Variants in AFF2 observed in about 807,000 individuals in gnomAD.
AFF2 encodes the protein ALF transcription elongation factor 2.
In AFF2, 14 loss-of-function variants were observed where a neutral mutation model predicts 76.9. The observed-to-expected ratio is 0.18, with a 90% CI of 0.12 to 0.28. The LOEUF is 0.28. Ranked by LOEUF, AFF2 falls within the 10% of genes least tolerant of loss-of-function variation. The probability of loss-of-function intolerance (pLI) is 1.00; values close to 1 mark genes in which losing one functional copy is unlikely to be tolerated. For synonymous variants in AFF2, 398 were observed against 366.7 expected (o/e 1.09, Z -0.98); for missense variants, 868 against 1,001.1 (o/e 0.87, Z 1.79).
chrX:148,954,468 G>A (rs1557286974), intron 10 of AFF2, among the ~76,000 whole-genome samples: 1 of 111,615 alleles, frequency 9.0e-6, no homozygotes, highest in African/African-American at 3.3e-5. Flanking sequence ...TAATATTACT[G>A]CTATTAATAA....
At chrX:148,643,151 A>C (rs910590426) in intron 1 of AFF2, among the ~76,000 whole-genome samples, 1 of 112,067 alleles carries the variant, frequency 8.9e-6, no homozygotes, top group Non-Finnish European at 1.9e-5. Context: ...GAAATATATA[A>C]GAAATTGTTA....
chrX:148,710,161 T>C (rs1238862100), intron 3 of AFF2, among the ~76,000 whole-genome samples: 2 of 111,996 alleles, frequency 1.8e-5, no homozygotes, highest in African/African-American at 6.5e-5. Flanking sequence ...AATTAGAAAT[T>C]ACGCATTCAA....
chrX:148,692,206 G>A (rs782660895), intron 3 of AFF2, among the ~76,000 whole-genome samples: 1 of 111,902 alleles, frequency 8.9e-6, no homozygotes, highest in Admixed American at 9.5e-5. Context: ...GGCTCTTGAA[G>A]TTCAATGAAA....
Position 148,750,189 on chromosome X carries a change from C to T in AFF2, c.1042-59687C>T, listed in dbSNP as rs193234745. Reference sequence around the variant, plus strand: ...TTCACCATGTTGGCCAGGCTGGTCTCGAACTCCTGACCTCAGGTGATTTGC... The same window carrying T: ...TTCACCATGTTGGCCAGGCTGGTCTTGAACTCCTGACCTCAGGTGATTTGC... On this transcript the variant is annotated intron_variant, in intron 3 of 20. Transcript: ENST00000370460. Among the ~76,000 whole-genome samples, 460 of 110,102 alleles carry T rather than the reference C, an allele frequency of 4.2e-3. 1 individual carries two copies. The highest frequency in any genetic ancestry group is 0.015 in the African/African-American group (441 of 30,221).
At chrX:148,552,038 G>A (rs1015783346) in intron 1 of AFF2, among the ~76,000 whole-genome samples, 2 of 112,573 alleles carry the variant, frequency 1.8e-5, no homozygotes, top group African/African-American at 6.5e-5. Context: ...ATCATTGCTT[G>A]GGGAATTAAG....
chrX:148,742,523 T>C (rs2055368176), intron 3 of AFF2, among the ~76,000 whole-genome samples: 1 of 111,693 alleles, frequency 9.0e-6, no homozygotes, highest in East Asian at 2.8e-4. Flanking sequence ...TCAGTTTTAG[T>C]TTGCTGAGGA....
At chrX:148,970,377 G>C (rs937814883) in intron 15 of AFF2, among the ~76,000 whole-genome samples, 2 of 111,890 alleles carry the variant, frequency 1.8e-5, no homozygotes, top group South Asian at 7.5e-4. Flanking sequence ...CTGCCATTTT[G>C]AGAATTGAAA....
rs191214833 is a variant in AFF2, at chrX:148,564,356, G to T, written c.47+63212G>T. ...TTATTAAGAAAGGGAAGTACAAAAT[G>T]CCTATGTAATTGTAGAGGAGCTGCC... On this transcript the variant is annotated intron_variant, in intron 1 of 20. Coordinates refer to ENST00000370460, the MANE Select transcript of AFF2 (RefSeq NM_002025.4). 2.2e-4 allele frequency among the ~76,000 whole-genome samples: 24 copies of T among 109,935 alleles called. No homozygotes were observed. In the East Asian group the frequency reaches 6.4e-3, roughly 29 times the overall value.
rs5936415 is a variant in AFF2, at chrX:148,687,784, G to A, written c.1041+25016G>A. On this transcript the variant is annotated intron_variant, in intron 3 of 20. Coordinates refer to ENST00000370460, the MANE Select transcript of AFF2 (RefSeq NM_002025.4). The stretch of plus-strand genomic sequence containing the variant: ...ATTTAAATATTGCTAAAGAAAACCA[G>A]CTGGCAAATAATTTAGACGTATGTA... Among the ~76,000 whole-genome samples the A allele has an allele frequency of 1.4e-3, 152 of 110,759 alleles. 1 individual carries two copies. The highest frequency in any genetic ancestry group is 2.3e-3 in the Non-Finnish European group (122 of 52,942).
intron 3 of AFF2, among the ~76,000 whole-genome samples, chrX:148,716,184 A>G (rs1352543901): frequency 1.8e-5 from 2 of 111,492 alleles, no homozygotes; most frequent in African/African-American, 3.3e-5. Flanking sequence ...CTTTAACTCA[A>G]TCCTTTGACC....
chrX:148,767,946 T>C (rs1049610736), intron 3 of AFF2, among the ~76,000 whole-genome samples: 1 of 110,294 alleles, frequency 9.1e-6, no homozygotes, highest in Non-Finnish European at 1.9e-5. Context: ...ACATGTGCTC[T>C]ATCTGATGAG....
chrX:148,991,035 A>G (rs1341213449), intron 20 of AFF2, among the ~76,000 whole-genome samples, 176 bp from the exon 21 acceptor site: 3 of 111,917 alleles, frequency 2.7e-5, no homozygotes, highest in African/African-American at 9.8e-5. Flanking sequence ...AAACTTGTGG[A>G]GTTTTGGTCT....
chrX:148,884,752 G>A, intron 7 of AFF2, among the ~76,000 whole-genome samples: 1 of 112,450 alleles, frequency 8.9e-6, no homozygotes, highest in Admixed American at 9.4e-5. Flanking sequence ...GGAAAGCTGT[G>A]CTGTGATCCA....
At position 148,773,930 on chromosome X, in the gene AFF2, G is replaced by C. The variant is rs1363581155; in HGVS notation, c.1042-35946G>C. ...TGCAAAATGTCAGAATCTAGGAGAAGTGTGACCACCATGCTCCAATAAGTT... is the reference window on the plus strand; with the variant it reads ...TGCAAAATGTCAGAATCTAGGAGAACTGTGACCACCATGCTCCAATAAGTT... On this transcript the variant is annotated intron_variant, in intron 3 of 20. Coordinates refer to ENST00000370460, the MANE Select transcript of AFF2 (RefSeq NM_002025.4). Among the ~76,000 whole-genome samples, 4 of 111,225 alleles carry C rather than the reference G, an allele frequency of 3.6e-5. No individual in the cohort carries two copies. The East Asian group carries it at 1.1e-3, about 32-fold the overall frequency.
At chrX:148,519,973 T>TA (rs1557234297) in intron 1 of AFF2, among the ~76,000 whole-genome samples, 1 of 112,469 alleles carries the variant, frequency 8.9e-6, no homozygotes, top group Non-Finnish European at 1.9e-5. Flanking sequence ...TTTGTGCATT[T>TA]AAAAGTAAAA....
intron 1 of AFF2, among the ~76,000 whole-genome samples, chrX:148,624,948 C>T (rs782452041): frequency 8.9e-6 from 1 of 111,973 alleles, no homozygotes; most frequent in South Asian, 3.7e-4. Flanking sequence ...CATAAGAAAA[C>T]CACTTCCAAC....
chrX:148,630,110 C>A (rs1343846180), intron 1 of AFF2, among the ~76,000 whole-genome samples: 1 of 111,463 alleles, frequency 9.0e-6, no homozygotes, highest in Non-Finnish European at 1.9e-5. Context: ...ACAGAAATGC[C>A]CCCTGTGTGG....
At chrX:148,963,568 C>T (rs909415686) in intron 13 of AFF2, among the ~76,000 whole-genome samples, 3 of 112,479 alleles carry the variant, frequency 2.7e-5, no homozygotes, top group African/African-American at 6.5e-5. Flanking sequence ...CTCGCAGAGT[C>T]TTCTCTATTC....
At chrX:148,827,015 A>G (rs1264674568) in intron 4 of AFF2, among the ~76,000 whole-genome samples, 1 of 111,381 alleles carries the variant, frequency 9.0e-6, no homozygotes, top group Non-Finnish European at 1.9e-5. Flanking sequence ...ACATCTTGTG[A>G]TAGATTTGTT....
Sources: allele counts gnomAD v4.1 joint callset (sites outside exome capture counted in the v4.1 genomes callset), GRCh38; gene constraint gnomAD v4.1.1; transcripts MANE v1.5; gene names NCBI Gene and HGNC (gene_info 2026-07-23, HGNC 2026-07-21).